Variants in ASTN1 observed in about 807,000 individuals in gnomAD.
ASTN1 encodes astrotactin 1, also known as astrotactin-1.
In ASTN1, 41 loss-of-function variants were observed where a neutral mutation model predicts 140.7. The ratio of observed to expected loss-of-function variants is 0.29; its 90% CI spans 0.23 to 0.38. The LOEUF is 0.38. ASTN1 is among the 10% of genes least tolerant of loss of function. The pLI, the probability that ASTN1 is intolerant of heterozygous loss-of-function variation, is 1.00. For missense variants in ASTN1, 1,479 were observed against 1,678.8 expected (o/e 0.88, Z 2.08); for synonymous variants, 640 against 652.2 (o/e 0.98, Z 0.29).
chr1:176,906,985 C>A (rs1329607761), intron 16 of ASTN1, among the ~76,000 whole-genome samples: 2 of 152,058 alleles, frequency 1.3e-5, no homozygotes, highest in Non-Finnish European at 2.9e-5. Flanking sequence ...AGATGGTGAA[C>A]CCTTGACTAG....
chr1:176,966,122 C>T (rs566769079), intron 8 of ASTN1, among the ~76,000 whole-genome samples: 5 of 152,312 alleles, frequency 3.3e-5, no homozygotes, highest in Admixed American at 6.5e-5. Flanking sequence ...AGCCCTTACA[C>T]TTGTGCAACT....
intron 1 of ASTN1, among the ~76,000 whole-genome samples, chr1:177,107,379 G>A (rs1194580893): frequency 6.6e-6 from 1 of 152,148 alleles, no homozygotes; most frequent in Non-Finnish European, 1.5e-5. Flanking sequence ...GCTGTGCTCA[G>A]GATAAATGTG....
chr1:176,972,279 A>G (rs1265239852), intron 8 of ASTN1, among the ~76,000 whole-genome samples: 2 of 152,120 alleles, frequency 1.3e-5, no homozygotes, highest in Admixed American at 6.5e-5. Flanking sequence ...GAGTTATTAC[A>G]TGTTGATCAG....
chr1:176,859,626 CA>C (rs1014806241), downstream of ASTN1, among the ~76,000 whole-genome samples: 1 of 151,870 alleles, frequency 6.6e-6, no homozygotes, highest in South Asian at 2.1e-4. Flanking sequence ...ACTGAAAATA[CA>C]AAAAAAATTA....
intron 20 of ASTN1, 47 bp downstream of exon 20, chr1:176,882,812 T>A (rs1668862518): frequency 2.5e-6 from 4 of 1,610,758 alleles, no homozygotes. Context: ...TAAGAAGCCT[T>A]GGGACTGTCA....
chr1:176,945,667 T>G (rs1671923114), intron 13 of ASTN1, among the ~76,000 whole-genome samples: 1 of 152,216 alleles, frequency 6.6e-6, no homozygotes, highest in Admixed American at 6.5e-5. Context: ...TGGGCTTCCA[T>G]GCAAAATCTT....
chr1:176,865,169 T>C (rs1668088517), intron 22 of ASTN1, among the ~76,000 whole-genome samples: 1 of 152,154 alleles, frequency 6.6e-6, no homozygotes, highest in Non-Finnish European at 1.5e-5. Flanking sequence ...CAGGAGGCCA[T>C]TATCATTGTC....
chr1:177,119,867 A>G (rs963019961), intron 1 of ASTN1, among the ~76,000 whole-genome samples: 15 of 152,110 alleles, frequency 9.9e-5, no homozygotes, highest in Admixed American at 2.6e-4. Context: ...CCTCTTCCAG[A>G]TGGCTATCAA....
chr1:176,932,488 A>C (rs1671250936), intron 16 of ASTN1, among the ~76,000 whole-genome samples: 1 of 152,198 alleles, frequency 6.6e-6, no homozygotes, highest in Admixed American at 6.5e-5. Flanking sequence ...GAACACATAA[A>C]CCCTATAACT....
At chr1:176,884,205 T>C (rs1668929389) in intron 19 of ASTN1, 134 bp downstream of exon 19, 23 of 1,018,668 alleles carry the variant, frequency 2.3e-5, no homozygotes, top group Non-Finnish European at 3.1e-5. Flanking sequence ...GAACAGCTTC[T>C]TCTTCTCCCT....
intron 1 of ASTN1, among the ~76,000 whole-genome samples, chr1:177,136,594 TC>T (rs1347077038): frequency 1.3e-5 from 2 of 152,110 alleles, no homozygotes; most frequent in Non-Finnish European, 2.9e-5. Context: ...CCTCAGGTGA[TC>T]CCCCTGCCTC....
intron 2 of ASTN1, among the ~76,000 whole-genome samples, chr1:177,054,768 A>T (rs1677714949): frequency 1.3e-5 from 2 of 152,250 alleles, no homozygotes; most frequent in Non-Finnish European, 2.9e-5. Flanking sequence ...CTTGATGAGT[A>T]AATGGAGTGT....
rs1274868827 is a variant in ASTN1, at chr1:177,044,684, T to C, written c.472-11835A>G. ...GAATCCATAGGTCAGCCAGAGACAT[T>C]GGAGTGATACAAAGGCAGTCAGGGG... On this transcript the variant is annotated intron_variant, in intron 2 of 22. Coordinates refer to ENST00000361833, the MANE Select transcript of ASTN1 (RefSeq NM_004319.3). Among the ~76,000 whole-genome samples, 10 of 152,310 alleles carry C rather than the reference T, an allele frequency of 6.6e-5. No homozygotes were observed. In the East Asian group the frequency reaches 1.9e-3, roughly 29 times the overall value.
intron 1 of ASTN1, among the ~76,000 whole-genome samples, chr1:177,131,381 T>A (rs1336105942): frequency 1.3e-5 from 2 of 152,202 alleles, no homozygotes; most frequent in African/African-American, 4.8e-5. Flanking sequence ...TATTATCCAA[T>A]AGAATACTTA....
chr1:177,022,823 C>A (rs1429472725), intron 7 of ASTN1, among the ~76,000 whole-genome samples: 7 of 152,038 alleles, frequency 4.6e-5, no homozygotes, highest in African/African-American at 7.2e-5. Flanking sequence ...ACCAAATGGC[C>A]ATTAAAATTA....
At chr1:177,017,017 A>C (rs1675577413) in intron 7 of ASTN1, among the ~76,000 whole-genome samples, 1 of 152,234 alleles carries the variant, frequency 6.6e-6, no homozygotes, top group Non-Finnish European at 1.5e-5. Context: ...ATTGACAAAA[A>C]TGGGAGTTCT....
chr1:176,947,675 T>C (rs548290532), intron 12 of ASTN1, among the ~76,000 whole-genome samples: 2 of 152,308 alleles, frequency 1.3e-5, no homozygotes, highest in South Asian at 4.1e-4. Context: ...GCACAGTGTT[T>C]CTAGGAAGAA....
chr1:177,159,028 CT>C (rs1168557839), intron 1 of ASTN1, among the ~76,000 whole-genome samples: 1 of 140,096 alleles, frequency 7.1e-6, no homozygotes, highest in Non-Finnish European at 1.5e-5. Flanking sequence ...GATTGTGCCA[CT>C]GCACTCCAGC....
At chr1:176,931,697 C>T (rs969986699) in intron 16 of ASTN1, among the ~76,000 whole-genome samples, 36 of 152,118 alleles carry the variant, frequency 2.4e-4, no homozygotes, top group African/African-American at 8.0e-4. Context: ...GCAATAAAAC[C>T]CACATGGAAG....
Sources: allele counts gnomAD v4.1 joint callset (sites outside exome capture counted in the v4.1 genomes callset), GRCh38; gene constraint gnomAD v4.1.1; transcripts MANE v1.5; gene names NCBI Gene and HGNC (gene_info 2026-07-23, HGNC 2026-07-21).